The following BCL9 variants were observed in gnomAD, a reference collection of about 807,000 sequenced individuals.
The protein encoded by BCL9 is B-cell CLL/lymphoma 9 protein.
Under a neutral mutation model 88.5 loss-of-function variants are expected in BCL9, and 25 were observed. The ratio of observed to expected loss-of-function variants is 0.28; its 90% CI spans 0.21 to 0.39. The LOEUF is 0.39. BCL9 is among the 10% of genes least tolerant of loss of function. The pLI, the probability that BCL9 is intolerant of heterozygous loss-of-function variation, is 1.00. For synonymous variants in BCL9, 711 were observed against 673.3 expected, an observed-to-expected ratio of 1.06 and a Z score of -0.87; for missense variants, 1,817 against 1,877.8, an observed-to-expected ratio of 0.97 and a Z score of 0.60.
rs1553204843 is a variant in BCL9, at chr1:147,619,960, G to C, written c.1805G>C (p.Gly602Ala). ...GATGATGTGCCAAAAATCCCAGATG[G>C]TCGAAATTTTCCTCCTGGCCAGGGC... ...WPDDVPKIPDGRNFPPGQGIF... is the reference protein window; with the variant it reads ...WPDDVPKIPDARNFPPGQGIF... The change falls in exon 8 of 10, where the codon GGT (glycine) becomes GCT (alanine). Residue 602 changes from glycine (G) to alanine (A), a missense_variant. By Grantham distance (60) the Gly-to-Ala change is moderately conservative. Around this residue, in one of 2 missense-constraint regions of BCL9, gnomAD observed 1,228 missense variants for 1,191.6 expected, o/e 1.03. Coordinates refer to ENST00000234739, the MANE Select transcript of BCL9 (RefSeq NM_004326.4). This position sits in a 1 kb window ranked among gnomAD's most constrained non-coding sequence, Gnocchi z 4.1. The C allele has an allele frequency of 6.2e-7, 1 of 1,614,196 alleles. No homozygotes were observed. Among genetic ancestry groups the C allele is most frequent in the East Asian group, 2.2e-5 (1 of 44,864 alleles).
intron 1 of BCL9, among the ~76,000 whole-genome samples, chr1:147,578,763 A>G (rs1553198316): frequency 1.3e-5 from 2 of 152,162 alleles, no homozygotes; most frequent in African/African-American, 4.8e-5. Flanking sequence ...TTTGTGTCAT[A>G]TTAACTTGTG....
Position 147,620,829 on chromosome 1 carries a change from C to T in BCL9, c.2674C>T (p.Leu892=). 1 of 1,614,180 alleles carries T rather than the reference C, an allele frequency of 6.2e-7. No individual in the cohort carries two copies. The highest frequency in any genetic ancestry group is 1.1e-5 in the South Asian group (1 of 91,086). ...NLKSPQTPSQ[L]AGMLAGPAAA... ...CAAGTCCCCCCAGACTCCATCGCAG[C>T]TGGCAGGCATGCTGGCGGGCCCAGC... Residue 892 remains leucine (L), a synonymous_variant, in exon 8 of 10, where the codon CTG becomes TTG. Transcript: ENST00000234739.
rs587736034 is a variant in BCL9 at position 147,619,737 on chromosome 1, C to T, written c.1582C>T (p.Pro528Ser). ...GATGACCCCTAGTGAAGGCTGGGCACCTGGGGGTACAGAGCCATTTTCTGA... is the reference window on the plus strand; with the variant it reads ...GATGACCCCTAGTGAAGGCTGGGCATCTGGGGGTACAGAGCCATTTTCTGA... ...YQMTPSEGWA[P>S]GGTEPFSDGI... is the part of the protein sequence containing the mutation. The change falls in exon 8 of 10, where the codon CCT becomes TCT. Residue 528 changes from proline to serine, a missense_variant. By Grantham distance (74) the Pro-to-Ser change is moderately conservative. Coordinates refer to ENST00000234739, the MANE Select transcript of BCL9 (RefSeq NM_004326.4). This position sits in a 1 kb window ranked among gnomAD's most constrained non-coding sequence, Gnocchi z 4.1. 36 of 1,614,082 alleles carry T rather than the reference C, an allele frequency of 2.2e-5. No homozygotes were observed. In the South Asian group the frequency reaches 3.7e-4, roughly 17 times the overall value.
intron 1 of BCL9, among the ~76,000 whole-genome samples, chr1:147,559,587 C>T (rs587634484): frequency 3.3e-5 from 5 of 152,298 alleles, no homozygotes; most frequent in East Asian, 3.9e-4. Context: ...TCTACTCTGT[C>T]GTGGTTGTAC....
chr1:147,563,004 T>C (rs112603460), intron 1 of BCL9, among the ~76,000 whole-genome samples: 1,895 of 152,298 alleles, frequency 0.012, 22 homozygotes, highest in East Asian at 0.056. Flanking sequence ...GTTCCTCAAG[T>C]GCACTGAGTT....
chr1:147,544,091 T>C (rs1255364200), intron 1 of BCL9, among the ~76,000 whole-genome samples: 6 of 152,158 alleles, frequency 3.9e-5, no homozygotes, highest in Non-Finnish European at 7.4e-5. Flanking sequence ...ACTGAGGATA[T>C]AGGAAGAGAA....
Position 147,618,806 on chromosome 1 carries a change from T to C in BCL9, c.661-10T>C. The C allele has an allele frequency of 6.6e-7, 1 of 1,516,888 alleles. No homozygotes were observed. Among genetic ancestry groups the C allele is most frequent in the African/African-American group, 1.4e-5 (1 of 71,814 alleles). The allele number at this position is 1,516,888 out of a possible 1,614,324, so 94.0% of individuals were successfully genotyped here. A position where few individuals can be genotyped will look rare whatever the true frequency, so the allele number is the denominator to read the frequency against. ...TACTAATGATTTTTAAACTATTTGTTTGTCTTCAGAACACACAGATATCTG... is the reference window on the plus strand; with the variant it reads ...TACTAATGATTTTTAAACTATTTGTCTGTCTTCAGAACACACAGATATCTG... On this transcript the variant is annotated splice_polypyrimidine_tract_variant and intron_variant, in intron 7 of 9. Transcript: ENST00000234739.
chr1:147,583,843 C>T (rs1302515284), intron 1 of BCL9, among the ~76,000 whole-genome samples: 1 of 151,484 alleles, frequency 6.6e-6, no homozygotes, highest in Non-Finnish European at 1.5e-5. Context: ...ATCCCAGCTA[C>T]TTAGGAGGCT....
chr1:147,596,445 G>A lies in BCL9; in HGVS notation c.-477-8332G>A, dbSNP rs587601316. 8.2e-3 allele frequency among the ~76,000 whole-genome samples: 954 copies of A among 115,988 alleles called. 8 individuals are homozygous for A. The highest frequency in any genetic ancestry group is 0.011 in the Middle Eastern group (1 of 94). The allele number at this position is 115,988 out of a possible 152,430, so 76.1% of individuals were successfully genotyped here. On this transcript the variant is annotated intron_variant, in intron 1 of 9. Coordinates refer to ENST00000234739, the MANE Select transcript of BCL9 (RefSeq NM_004326.4). ...TTTTTTTTTTTTGAGACGGAGTCTC[G>A]CTCTGTCGCCCAGGCTGGAGTGCAG...
At chr1:147,597,479 C>T (rs1553200618) in intron 1 of BCL9, among the ~76,000 whole-genome samples, 5 of 152,094 alleles carry the variant, frequency 3.3e-5, no homozygotes. Context: ...GATTTCTTAT[C>T]TTAAAATTTC....
chr1:147,562,260 CAG>C (rs1655411412), intron 1 of BCL9, among the ~76,000 whole-genome samples: 1 of 152,040 alleles, frequency 6.6e-6, no homozygotes, highest in Admixed American at 6.5e-5. Context: ...ACTCAGGAGG[CAG>C]AGATTGCGGT....
intron 1 of BCL9, among the ~76,000 whole-genome samples, chr1:147,545,918 A>G (rs1255758997): frequency 3.9e-5 from 6 of 152,200 alleles, no homozygotes; most frequent in Non-Finnish European, 7.3e-5. Flanking sequence ...CAAGAAAATG[A>G]GGGGTGAAAC....
intron 7 of BCL9, among the ~76,000 whole-genome samples, chr1:147,616,743 G>T (rs1658304100): frequency 6.7e-6 from 1 of 150,120 alleles, no homozygotes; most frequent in Non-Finnish European, 1.5e-5. Context: ...CTGCACTCCA[G>T]CCTGGGTGAT....
chr1:147,620,166 C>G lies in BCL9; in HGVS notation c.2011C>G (p.Pro671Ala), dbSNP rs3820129. The G allele has an allele frequency of 1.9e-6, 3 of 1,613,748 alleles. No homozygotes were observed. The highest frequency in any genetic ancestry group is 2.5e-6 in the Non-Finnish European group (3 of 1,179,894). Residue 671 changes from proline (P) to alanine (A), a missense_variant, in exon 8 of 10, where the codon CCT (proline) becomes GCT (alanine). Pro to Ala is a conservative substitution (Grantham distance 27). Coordinates refer to ENST00000234739, the MANE Select transcript of BCL9 (RefSeq NM_004326.4). ...MIPGSQRHME[P>A]GNNPIFPRIP... is the part of the protein sequence containing the mutation. ...TCCAGGCTCCCAGCGCCACATGGAG[C>G]CTGGGAATAACCCCATTTTCCCTCG...
chr1:147,569,363 C>T (rs1467863450), intron 1 of BCL9, among the ~76,000 whole-genome samples: 1 of 151,124 alleles, frequency 6.6e-6, no homozygotes, highest in African/African-American at 2.4e-5. Flanking sequence ...GTAACTATAC[C>T]CACGCCTGTA....
intron 1 of BCL9, among the ~76,000 whole-genome samples, chr1:147,566,766 G>GAA (rs142463650): frequency 2.6e-4 from 36 of 139,436 alleles, no homozygotes; most frequent in Admixed American, 5.7e-4. Context: ...CAAAAAAAAA[G>GAA]AAAAAAAAAG....
At chr1:147,612,807 G>C in intron 4 of BCL9, 76 bp from the exon 5 acceptor site, 1 of 1,463,744 alleles carries the variant, frequency 6.8e-7, no homozygotes, top group Non-Finnish European at 9.4e-7. Flanking sequence ...ACCCCCAATA[G>C]AAACTGCCTC....
intron 1 of BCL9, among the ~76,000 whole-genome samples, chr1:147,596,697 G>C (rs1657072827): frequency 6.6e-6 from 1 of 152,138 alleles, no homozygotes; most frequent in South Asian, 2.1e-4. Context: ...CCAGGCGTGA[G>C]CCACCGCGCC....
rs1553203493 is a variant in BCL9 at position 147,614,574 on chromosome 1, C to T, written c.518C>T (p.Pro173Leu). The T allele has an allele frequency of 1.9e-6, 3 of 1,613,870 alleles. No individual in the cohort carries two copies. The South Asian group carries it at 3.3e-5, about 18-fold the overall frequency. ...ATEPTPAQKTPAKVVYVFSTE... is the reference protein window; with the variant it reads ...ATEPTPAQKTLAKVVYVFSTE... ...GAGCCCACACCTGCTCAGAAGACTC[C>T]AGCCAAAGTGGTGTACGTGTTTTCT... The change falls in exon 6 of 10, where the codon CCA becomes CTA. Residue 173 changes from proline (P) to leucine (L), a missense_variant. Pro to Leu is a moderately conservative substitution (Grantham distance 98). Around this residue, in one of 2 missense-constraint regions of BCL9, gnomAD observed 1,228 missense variants for 1,191.6 expected, o/e 1.03. Coordinates refer to ENST00000234739, the MANE Select transcript of BCL9 (RefSeq NM_004326.4).
Sources: allele counts gnomAD v4.1 joint callset (sites outside exome capture counted in the v4.1 genomes callset), GRCh38; gene constraint gnomAD v4.1.1; regional missense constraint gnomAD v4.1.1; non-coding constraint Gnocchi (gnomAD v3.1); transcripts MANE v1.5; gene names NCBI Gene and HGNC (gene_info 2026-07-23, HGNC 2026-07-21).